PRDM1: variants seen among roughly 807,000 people sequenced by gnomAD.
PRDM1 encodes PR/SET domain 1, also known as PR domain zinc finger protein 1.
In PRDM1, 13 loss-of-function variants were observed where a neutral mutation model predicts 62.8. The observed-to-expected ratio is 0.21, with a 90% CI of 0.13 to 0.33. The LOEUF is 0.33. Among genes scored for constraint, PRDM1 ranks in the 10% least tolerant of loss-of-function variants. PRDM1 has a pLI of 1.00. For synonymous variants in PRDM1, 396 were observed against 417.6 expected, an observed-to-expected ratio of 0.95 and a Z score of 0.63; for missense variants, 895 against 1,058.8, an observed-to-expected ratio of 0.85 and a Z score of 2.15.
chr6:106,081,707 G>A (rs886471619), upstream of PRDM1, among the ~76,000 whole-genome samples: 3 of 152,100 alleles, frequency 2.0e-5, no homozygotes, highest in Non-Finnish European at 2.9e-5. Context: ...CTACAGTCTT[G>A]TTCTTCCCTT....
chr6:106,086,184 T>G (rs544541356), upstream of PRDM1: 255 of 309,056 alleles, frequency 8.3e-4, no homozygotes, highest in Non-Finnish European at 1.2e-3. Flanking sequence ...GAAATACACA[T>G]GCGAAGAGAG....
chr6:105,993,051 C>T (rs952015551), upstream of PRDM1, among the ~76,000 whole-genome samples: 7 of 152,192 alleles, frequency 4.6e-5, no homozygotes, highest in Non-Finnish European at 2.9e-5. Context: ...CGCCACTCTT[C>T]CCGGTTTGGT....
intron 1 of PRDM1, among the ~76,000 whole-genome samples, chr6:105,995,126 C>T (rs1772332028): frequency 6.6e-6 from 1 of 152,104 alleles, no homozygotes; most frequent in African/African-American, 2.4e-5. Context: ...TCCCCATTCC[C>T]TTGCCTTCTT....
Position 106,075,229 on chromosome 6 carries a change from G to A in PRDM1, c.-66-12972G>A, listed in dbSNP as rs559652525. ...AGACTGTGTTTTTATGAATTGAGCCGTATTTAAAGTAAGGACAGTCTATTA... is the reference window on the plus strand; with the variant it reads ...AGACTGTGTTTTTATGAATTGAGCCATATTTAAAGTAAGGACAGTCTATTA... On this transcript the variant is annotated intron_variant, in intron 1 of 6. Coordinates refer to the PRDM1 transcript ENST00000651185. 1.5e-3 allele frequency among the ~76,000 whole-genome samples: 226 copies of A among 152,100 alleles called. 2 individuals carry two copies. The highest frequency in any genetic ancestry group is 6.8e-3 in the Middle Eastern group (2 of 294).
At chr6:106,055,068 T>C (rs1026479291) in intron 1 of PRDM1, among the ~76,000 whole-genome samples, 2 of 152,216 alleles carry the variant, frequency 1.3e-5, no homozygotes, top group African/African-American at 4.8e-5. Context: ...CTGGGTTTCA[T>C]CAGCTAACTA....
chr6:106,030,996 C>CTTTTTTTTTTTTTTTTTT (rs11343130), intron 1 of PRDM1, among the ~76,000 whole-genome samples: 4 of 135,314 alleles, frequency 3.0e-5, no homozygotes, highest in Admixed American at 7.4e-5. Context: ...TGTATTCTCT[C>CTTTTTTTTTTTTTTTTTT]TTTTTTTTTT....
rs577362106 is a variant in PRDM1, at chr6:106,020,412, G to A, written c.-67+26773G>A. On this transcript the variant is annotated intron_variant, in intron 1 of 6. Coordinates refer to the PRDM1 transcript ENST00000652320. ...ACTCCTGGCCTCAAGTGATCCTCCC[G>A]CCTCGGCCTCCCAAAGTGCTGGAAT... Among the ~76,000 whole-genome samples the A allele has an allele frequency of 7.2e-5, 11 of 151,976 alleles. No individual in the cohort carries two copies. The East Asian group carries it at 1.9e-3, about 27-fold the overall frequency.
intron 1 of PRDM1, among the ~76,000 whole-genome samples, chr6:106,014,248 C>G (rs1234069770): frequency 6.6e-6 from 1 of 151,592 alleles, no homozygotes; most frequent in African/African-American, 2.4e-5. Flanking sequence ...TTTGTAGAGA[C>G]AGGGTCTCCC....
chr6:106,047,996 G>A (rs769510483), upstream of PRDM1, among the ~76,000 whole-genome samples: 11 of 152,160 alleles, frequency 7.2e-5, no homozygotes, highest in Admixed American at 2.0e-4. Context: ...CTAAAATGTA[G>A]TGGTAATAAG....
At chr6:106,039,858 G>A (rs1420265541) in intron 1 of PRDM1, among the ~76,000 whole-genome samples, 3 of 152,168 alleles carry the variant, frequency 2.0e-5, no homozygotes, top group South Asian at 4.1e-4. Context: ...AGTCCATAGC[G>A]GCTTAGCGAG....
At chr6:106,033,895 TTTA>T (rs1281550271) in intron 1 of PRDM1, among the ~76,000 whole-genome samples, 1 of 152,118 alleles carries the variant, frequency 6.6e-6, no homozygotes, top group Non-Finnish European at 1.5e-5. Flanking sequence ...CAAGAGATTT[TTTA>T]TTATTATTTT....
intron 1 of PRDM1, among the ~76,000 whole-genome samples, chr6:106,002,680 T>C (rs1426096859): frequency 6.6e-6 from 1 of 152,218 alleles, no homozygotes; most frequent in African/African-American, 2.4e-5. Context: ...ATTTATTTTC[T>C]TACTTATTGT....
In PRDM1 at chr6:106,106,357, TG is replaced by T. The variant is rs1562175447; in HGVS notation, c.1774-12del. 2 of 1,614,058 alleles carry T rather than the reference TG, an allele frequency of 1.2e-6. No individual in the cohort carries two copies. Among genetic ancestry groups the T allele is most frequent in the South Asian group, 2.2e-5 (2 of 91,070 alleles). On this transcript the variant is annotated splice_polypyrimidine_tract_variant and intron_variant, in intron 5 of 6. Transcript: ENST00000369096. This position sits in a 1 kb window ranked among gnomAD's most constrained non-coding sequence, Gnocchi z 4.4. ...AGCTTGAGAGCAGAGCTAACACATGTGGCTTCTTCCCAGGTCCACCTGAGAG... is the reference window on the plus strand; with the variant it reads ...AGCTTGAGAGCAGAGCTAACACATGTGCTTCTTCCCAGGTCCACCTGAGAG...
chr6:106,098,823 A>G (rs563410237), intron 3 of PRDM1: 3 of 1,525,342 alleles, frequency 2.0e-6, no homozygotes, highest in South Asian at 2.4e-5. Context: ...GGGGTGTAGG[A>G]AACGGCGAGT....
chr6:106,041,461 G>A (rs1022488718), intron 1 of PRDM1, among the ~76,000 whole-genome samples: 3 of 152,158 alleles, frequency 2.0e-5, no homozygotes, highest in African/African-American at 2.4e-5. Context: ...CTTAAAATAC[G>A]TTTTTTGTTT....
chr6:106,008,961 C>T (rs959914376), intron 1 of PRDM1, among the ~76,000 whole-genome samples: 19 of 152,286 alleles, frequency 1.2e-4, no homozygotes, highest in Admixed American at 7.8e-4. Flanking sequence ...CTTCCCGCAG[C>T]GGTGGCCAGG....
intron 1 of PRDM1, among the ~76,000 whole-genome samples, chr6:106,056,576 T>A (rs1773271017): frequency 6.6e-6 from 1 of 152,168 alleles, no homozygotes; most frequent in Non-Finnish European, 1.5e-5. Flanking sequence ...GCGAAGGAAG[T>A]AGGTTTGAGT....
chr6:106,024,796 A>G (rs989765805), intron 1 of PRDM1, among the ~76,000 whole-genome samples: 3 of 152,150 alleles, frequency 2.0e-5, no homozygotes, highest in Admixed American at 6.5e-5. Context: ...GCCGTGTTCT[A>G]GAAGGAGAGA....
chr6:106,104,207 T>G (rs1469639964), intron 4 of PRDM1, among the ~76,000 whole-genome samples: 2 of 75,384 alleles, frequency 2.7e-5, no homozygotes, highest in African/African-American at 8.5e-5. Context: ...AAATGGAAGT[T>G]TTTTTTTTTT....
Sources: gnomAD v4.1 joint callset for allele counts (sites outside exome capture counted in the v4.1 genomes callset) on GRCh38, gnomAD v4.1.1 for gene constraint, Gnocchi (gnomAD v3.1) non-coding constraint, MANE v1.5 for transcripts, NCBI Gene and HGNC (gene_info 2026-07-23, HGNC 2026-07-21) for gene names.